The following RBFOX1 variants were observed in gnomAD, a reference collection of about 807,000 sequenced individuals.
The protein encoded by RBFOX1 is RNA binding protein fox-1 homolog 1.
In RBFOX1, 8 loss-of-function variants were observed where a neutral mutation model predicts 57.7. The ratio of observed to expected loss-of-function variants is 0.14; its 90% CI spans 0.08 to 0.25. The LOEUF (loss-of-function observed/expected upper bound fraction) is 0.25. RBFOX1 is among the 10% of genes least tolerant of loss of function. RBFOX1 has a pLI of 1.00. For synonymous variants in RBFOX1, 326 were observed against 222.4 expected, an observed-to-expected ratio of 1.47 and a Z score of -4.15; for missense variants, 611 against 548.5, an observed-to-expected ratio of 1.11 and a Z score of -1.14.
At chr16:7,391,954 T>C (rs866829463) in intron 4 of RBFOX1, among the ~76,000 whole-genome samples, 4 of 152,346 alleles carry the variant, frequency 2.6e-5, no homozygotes, top group African/African-American at 9.6e-5. Context: ...CAGCCTAAAC[T>C]GTCACTGATT....
intron 4 of RBFOX1, among the ~76,000 whole-genome samples, chr16:5,974,184 A>G (rs1245507296): frequency 1.3e-5 from 2 of 152,226 alleles, no homozygotes; most frequent in Admixed American, 6.5e-5. Flanking sequence ...AGGCAATGCC[A>G]GATCCAATTT....
At chr16:6,339,397 AT>A (rs2084210148) in intron 2 of RBFOX1, among the ~76,000 whole-genome samples, 1 of 152,218 alleles carries the variant, frequency 6.6e-6, no homozygotes, top group Non-Finnish European at 1.5e-5. Context: ...TGGTTTAATT[AT>A]GGGGCTGCTG....
intron 4 of RBFOX1, among the ~76,000 whole-genome samples, chr16:7,510,706 A>G (rs921775645): frequency 6.6e-6 from 1 of 152,200 alleles, no homozygotes; most frequent in African/African-American, 2.4e-5. Context: ...TTGCCAGAGA[A>G]GTGGTGTAGA....
At chr16:7,161,165 G>C (rs961730945) in intron 4 of RBFOX1, among the ~76,000 whole-genome samples, 2 of 152,078 alleles carry the variant, frequency 1.3e-5, no homozygotes, top group African/African-American at 4.8e-5. Context: ...CTATCTCTGG[G>C]TGATTGGAAG....
intron 3 of RBFOX1, among the ~76,000 whole-genome samples, chr16:6,692,675 C>T (rs1242183283): frequency 3.3e-5 from 5 of 152,034 alleles, no homozygotes; most frequent in East Asian, 3.9e-4. Context: ...GAATGTGTTT[C>T]CCTTTAACCA....
chr16:6,573,506 C>T (rs912993063), intron 2 of RBFOX1, among the ~76,000 whole-genome samples: 2 of 152,238 alleles, frequency 1.3e-5, no homozygotes, highest in Middle Eastern at 3.2e-3. Flanking sequence ...AAAAATTCTT[C>T]TGATTTACTG....
At chr16:6,292,228 C>G (rs1443840106) in intron 1 of RBFOX1, among the ~76,000 whole-genome samples, 1 of 152,038 alleles carries the variant, frequency 6.6e-6, no homozygotes, top group Non-Finnish European at 1.5e-5. Flanking sequence ...CCACTGCACT[C>G]TAGCCTGGGT....
chr16:5,826,742 A>G (rs1286482675), intron 3 of RBFOX1, among the ~76,000 whole-genome samples: 3 of 152,218 alleles, frequency 2.0e-5, no homozygotes, highest in African/African-American at 4.8e-5. Context: ...ATGCTGTCCT[A>G]TAAATTTTTT....
At chr16:6,224,831 A>T (rs1323874711) in intron 1 of RBFOX1, among the ~76,000 whole-genome samples, 3 of 151,688 alleles carry the variant, frequency 2.0e-5, no homozygotes, top group African/African-American at 7.3e-5. Context: ...GACCAGCCTG[A>T]CCAACATGGG....
intron 4 of RBFOX1, among the ~76,000 whole-genome samples, chr16:7,218,420 A>G (rs1309769859): frequency 6.6e-6 from 1 of 152,138 alleles, no homozygotes; most frequent in Non-Finnish European, 1.5e-5. Flanking sequence ...ATGGTGAAAG[A>G]GGGTGAGAGA....
intron 4 of RBFOX1, among the ~76,000 whole-genome samples, chr16:7,254,747 T>C (rs2094610813): frequency 6.6e-6 from 1 of 152,168 alleles, no homozygotes; most frequent in Non-Finnish European, 1.5e-5. Flanking sequence ...TTATAGGCAT[T>C]ACGTCTCTGA....
intron 1 of RBFOX1, among the ~76,000 whole-genome samples, chr16:5,415,397 A>T (rs1361957401): frequency 1.3e-5 from 2 of 152,164 alleles, no homozygotes; most frequent in Non-Finnish European, 2.9e-5. Context: ...CTTCCCACCG[A>T]TTCCCTCCTC....
At chr16:5,450,918 C>G (rs1018431547) in intron 1 of RBFOX1, among the ~76,000 whole-genome samples, 1 of 152,154 alleles carries the variant, frequency 6.6e-6, no homozygotes, top group Non-Finnish European at 1.5e-5. Context: ...TGGGCAAGCT[C>G]AAGGGTAAGC....
chr16:7,021,870 C>G (rs1033883740), intron 3 of RBFOX1, among the ~76,000 whole-genome samples: 5 of 151,116 alleles, frequency 3.3e-5, no homozygotes, highest in Non-Finnish European at 7.4e-5. Context: ...TTGCCAGAAC[C>G]TTCTTTCTCT....
At chr16:7,633,572 C>T (rs1033212899) in intron 11 of RBFOX1, among the ~76,000 whole-genome samples, 16 of 151,984 alleles carry the variant, frequency 1.1e-4, no homozygotes, top group Non-Finnish European at 2.1e-4. Context: ...AAGAAAATAG[C>T]TAATTTTACC....
chr16:5,504,900 C>G (rs1192446046), intron 2 of RBFOX1, among the ~76,000 whole-genome samples: 1 of 152,144 alleles, frequency 6.6e-6, no homozygotes, highest in Non-Finnish European at 1.5e-5. Context: ...CTAGGCAGAT[C>G]TGTAGAGACA....
chr16:6,255,719 A>C (rs2097657055), intron 1 of RBFOX1, among the ~76,000 whole-genome samples: 1 of 152,174 alleles, frequency 6.6e-6, no homozygotes, highest in Non-Finnish European at 1.5e-5. Context: ...CCGTAAAAAA[A>C]GAATGAGTTC....
chr16:6,841,777 C>T (rs1036813796), intron 3 of RBFOX1, among the ~76,000 whole-genome samples: 1 of 152,156 alleles, frequency 6.6e-6, no homozygotes, highest in Non-Finnish European at 1.5e-5. Flanking sequence ...CTTAAGGGTT[C>T]CATTCTCAAG....
chr16:5,682,517 A>G (rs1378305665), intron 3 of RBFOX1, among the ~76,000 whole-genome samples: 5 of 152,172 alleles, frequency 3.3e-5, no homozygotes, highest in African/African-American at 7.2e-5. Context: ...AGAGATGACC[A>G]TTTGTTAATC....
Sources: gnomAD v4.1 joint callset for allele counts (sites outside exome capture counted in the v4.1 genomes callset) on GRCh38, gnomAD v4.1.1 for gene constraint, MANE v1.5 for transcripts, NCBI Gene and HGNC (gene_info 2026-07-23, HGNC 2026-07-21) for gene names.